Variants in CYB561D1 observed in about 807,000 individuals in gnomAD.
The protein encoded by CYB561D1 is cytochrome b561 family member D1.
In CYB561D1, 15 loss-of-function variants were observed where a neutral mutation model predicts 19.2. The ratio of observed to expected loss-of-function variants is 0.78; its 90% CI spans 0.52 to 1.20. The LOEUF is 1.20. CYB561D1 is among the 50% of genes most tolerant of loss of function. CYB561D1 has a pLI of 0.00. For missense variants in CYB561D1, 297 were observed against 287.3 expected (o/e 1.03, Z -0.24); for synonymous variants, 133 against 120.6 (o/e 1.10, Z -0.68).
At position 109,494,222 on chromosome 1, in the gene CYB561D1, T is replaced by G. The variant is rs768561707; in HGVS notation, c.83T>G (p.Ile28Ser). 3.8e-6 allele frequency: 6 copies of G among 1,570,252 alleles called. No individual in the cohort carries two copies. The highest frequency in any genetic ancestry group is 4.3e-6 in the Non-Finnish European group (5 of 1,157,546). Residue 28 changes from isoleucine to serine, a missense_variant, in exon 1 of 3, where the codon ATC (isoleucine) becomes AGC (serine). Physicochemically the swap from Ile to Ser is moderately radical, Grantham distance 142. Coordinates refer to ENST00000420578, the MANE Select transcript of CYB561D1 (RefSeq NM_182580.3). ...CGCTGGCTGCGGAGAGGCAGTGGGATCTTGGCGCACCTGGTAGCTTTGGGC... is the reference window on the plus strand; with the variant it reads ...CGCTGGCTGCGGAGAGGCAGTGGGAGCTTGGCGCACCTGGTAGCTTTGGGC... ...LTRWLRRGSG[I>S]LAHLVALGFT...
chr1:109,498,979 T>C lies in CYB561D1; in HGVS notation c.*2720T>C, dbSNP rs973954646. 2 of 152,130 alleles carry C rather than the reference T, an allele frequency of 1.3e-5. No individual in the cohort carries two copies. The highest frequency in any genetic ancestry group is 4.8e-5 in the African/African-American group (2 of 41,398). The allele number at this position is 152,130 out of a possible 1,614,324, so 9.4% of individuals were successfully genotyped here. ...TGATTATATTCCAAATTTGATTATA[T>C]TCCAAATTTGATTATATTCAGATTC... is the stretch of plus-strand genomic sequence containing the variant. On this transcript the variant is annotated 3_prime_UTR_variant, in exon 3 of 3. Coordinates refer to ENST00000420578, the MANE Select transcript of CYB561D1 (RefSeq NM_182580.3).
chr1:109,497,262 A>G lies in CYB561D1; in HGVS notation c.*1003A>G, dbSNP rs1480884188. 6.6e-6 allele frequency: 1 copy of G among 152,338 alleles called. No homozygotes were observed. The highest frequency in any genetic ancestry group is 2.4e-5 in the African/African-American group (1 of 41,484). The allele number at this position is 152,338 out of a possible 1,614,324, so 9.4% of individuals were successfully genotyped here. A position where few individuals can be genotyped will look rare whatever the true frequency, so the allele number is the denominator to read the frequency against. ...TTAGGGCTCAGGTTCTTGCCTTAGC[A>G]CATAGCTTCTGGGAGCTTTTTTGAA... On this transcript the variant is annotated 3_prime_UTR_variant, in exon 3 of 3. Coordinates refer to ENST00000420578, the MANE Select transcript of CYB561D1 (RefSeq NM_182580.3).
At chr1:109,495,055 T>G in intron 1 of CYB561D1, 88 bp from the exon 2 acceptor site, 1 of 1,472,892 alleles carries the variant, frequency 6.8e-7, no homozygotes, top group South Asian at 1.1e-5. Flanking sequence ...GGTACTTTTC[T>G]CCTGTGGCTA....
Position 109,494,297 on chromosome 1 carries a change from C to T in CYB561D1, c.148+10C>T, listed in dbSNP as rs76997102. 9 of 1,574,752 alleles carry T rather than the reference C, an allele frequency of 5.7e-6. No homozygotes were observed. Among genetic ancestry groups the T allele is most frequent in the African/African-American group, 4.0e-5 (3 of 74,198 alleles). ...TCCCGGCCAGGAACCAGTGAGTGTG[C>T]GGGGCGGGGTTGCGGAAGGGGGCGG... On this transcript the variant is annotated intron_variant, in intron 1 of 2. Coordinates refer to ENST00000420578, the MANE Select transcript of CYB561D1 (RefSeq NM_182580.3).
rs1442879725 is a variant in CYB561D1 at position 109,499,616 on chromosome 1, G to C, written c.*3357G>C. ...GATCTGCCCGCCTCGGCCTCCCAAA[G>C]TGCTGTGATTACAGGCGTGAGCCAC... On this transcript the variant is annotated 3_prime_UTR_variant, in exon 3 of 3. Coordinates refer to ENST00000420578, the MANE Select transcript of CYB561D1 (RefSeq NM_182580.3). 6.6e-6 allele frequency: 1 copy of C among 152,312 alleles called. No homozygotes were observed. The highest frequency in any genetic ancestry group is 1.9e-4 in the East Asian group (1 of 5,194). The allele number at this position is 152,312 out of a possible 1,614,324, so 9.4% of individuals were successfully genotyped here. A position where few individuals can be genotyped will look rare whatever the true frequency, so the allele number is the denominator to read the frequency against.
At chr1:109,494,655 G>A (rs1657403290) in intron 1 of CYB561D1, 1 of 1,098,616 alleles carries the variant, frequency 9.1e-7, no homozygotes, top group Non-Finnish European at 1.2e-6. Flanking sequence ...TGGCCAACAT[G>A]GTGAAACCCC....
At position 109,495,902 on chromosome 1, in the gene CYB561D1, C is replaced by T. The variant is rs757527091; in HGVS notation, c.333C>T (p.Ile111=). The change falls in exon 3 of 3, where the codon ATC becomes ATT. Residue 111 remains isoleucine, a synonymous_variant. Transcript: ENST00000420578. ...GTGCAGCTCTGGGCCTGGGCTTCAT[C>T]ATCTCCAGCAGGACCCGCAGTGAGC... is the stretch of plus-strand genomic sequence containing the variant. ...ILCAALGLGF[I]ISSRTRSELP... 8 of 1,613,918 alleles carry T rather than the reference C, an allele frequency of 5.0e-6. No homozygotes were observed. The South Asian group carries it at 8.8e-5, about 18-fold the overall frequency.
Position 109,496,363 on chromosome 1 carries a change from T to C in CYB561D1, c.*104T>C. ...TTAAGAAGTGGTCAGGTTTTCGCAC[T>C]TCTTGGCTGGTCCAGGGACTGCAGA... On this transcript the variant is annotated 3_prime_UTR_variant, in exon 3 of 3. Transcript: ENST00000420578. 2.2e-6 allele frequency: 3 copies of C among 1,368,640 alleles called. No individual in the cohort carries two copies. The highest frequency in any genetic ancestry group is 4.7e-5 in the East Asian group (2 of 42,306). 84.8% of individuals were successfully genotyped at this position (1,368,640 alleles called of 1,614,324 possible).
intron 1 of CYB561D1, among the ~76,000 whole-genome samples, chr1:109,494,857 C>A (rs1001655845): frequency 5.9e-5 from 8 of 136,484 alleles, no homozygotes; most frequent in African/African-American, 2.6e-4. Context: ...CAAAAAACAA[C>A]AACCAAAAAA....
chr1:109,498,767 G>A lies in CYB561D1; in HGVS notation c.*2508G>A, dbSNP rs1393681997. ...TTGGCTCCTCAGCAAGGAAGCAAAC[G>A]CCTTGGAGGAGAAGCACATGGTTGC... On this transcript the variant is annotated 3_prime_UTR_variant, in exon 3 of 3. Transcript: ENST00000420578. The A allele has an allele frequency of 6.6e-6, 1 of 151,592 alleles. No individual in the cohort carries two copies. The highest frequency in any genetic ancestry group is 1.5e-5 in the Non-Finnish European group (1 of 67,960). The allele number at this position is 151,592 out of a possible 1,614,324, so 9.4% of individuals were successfully genotyped here. A position where few individuals can be genotyped will look rare whatever the true frequency, so the allele number is the denominator to read the frequency against.
At position 109,494,442 on chromosome 1, in the gene CYB561D1, C is replaced by A. The variant is rs946275662; in HGVS notation, c.148+155C>A. Reference sequence around the variant, plus strand: ...TTGAGGGCCTGGTGGGGCGGGGCCCCAGGGATCCTGGAATAATGGGGTTTT... The same window carrying A: ...TTGAGGGCCTGGTGGGGCGGGGCCCAAGGGATCCTGGAATAATGGGGTTTT... On this transcript the variant is annotated intron_variant, in intron 1 of 2. Transcript: ENST00000420578. 5 of 1,547,656 alleles carry A rather than the reference C, an allele frequency of 3.2e-6. No homozygotes were observed. In the African/African-American group the frequency reaches 5.5e-5, roughly 17 times the overall value.
rs1286796434 is a variant in CYB561D1 at position 109,495,965 on chromosome 1, C to A, written c.396C>A (p.Ala132=). The stretch of plus-strand genomic sequence containing the variant: ...TGTCCTGGCACAGCTGGGTGGGAGC[C>A]CTGACACTGCTGGCCACTGCTGTCC... ...HLVSWHSWVG[A]LTLLATAVQA... is the part of the protein sequence containing the mutation. Residue 132 remains alanine (A), a synonymous_variant, in exon 3 of 3, where the codon GCC becomes GCA. Coordinates refer to ENST00000420578, the MANE Select transcript of CYB561D1 (RefSeq NM_182580.3). 2 of 1,612,838 alleles carry A rather than the reference C, an allele frequency of 1.2e-6. No individual in the cohort carries two copies. The highest frequency in any genetic ancestry group is 3.3e-5 in the Admixed American group (2 of 59,960).
At position 109,499,968 on chromosome 1, in the gene CYB561D1, T is replaced by A. The variant is rs1284513652; in HGVS notation, c.*3709T>A. On this transcript the variant is annotated 3_prime_UTR_variant, in exon 3 of 3. Coordinates refer to ENST00000420578, the MANE Select transcript of CYB561D1 (RefSeq NM_182580.3). ...AGTCCTCTCAGTAAACTAATAAGAC[T>A]TGCACCTGACAAAGGTCAAGATATG... 1 of 152,234 alleles carries A rather than the reference T, an allele frequency of 6.6e-6. No homozygotes were observed. Among genetic ancestry groups the A allele is most frequent in the Non-Finnish European group, 1.5e-5 (1 of 68,040 alleles). 9.4% of individuals were successfully genotyped at this position (152,234 alleles called of 1,614,324 possible). A position where few individuals can be genotyped will look rare whatever the true frequency, so the allele number is the denominator to read the frequency against.
In CYB561D1 at chr1:109,497,851, G is replaced by C. The variant is rs1038397960; in HGVS notation, c.*1592G>C. On this transcript the variant is annotated 3_prime_UTR_variant, in exon 3 of 3. Coordinates refer to ENST00000420578, the MANE Select transcript of CYB561D1 (RefSeq NM_182580.3). Reference sequence around the variant, plus strand: ...ATAGTATGGGGACAGAATGGGGACAGCAAGGGCAGAAGTGTCCTCTCCACG... The same window carrying C: ...ATAGTATGGGGACAGAATGGGGACACCAAGGGCAGAAGTGTCCTCTCCACG... 2.0e-5 allele frequency: 3 copies of C among 152,254 alleles called. No homozygotes were observed. The highest frequency in any genetic ancestry group is 7.2e-5 in the African/African-American group (3 of 41,434). The allele number at this position is 152,254 out of a possible 1,614,324, so 9.4% of individuals were successfully genotyped here.
chr1:109,496,278 T>C lies in CYB561D1; in HGVS notation c.*19T>C. The stretch of plus-strand genomic sequence containing the variant: ...AATGTGAGTTCCTGCGAACGCTGAA[T>C]CTAGGTGGGACGCTTGCCTTGAACA... On this transcript the variant is annotated 3_prime_UTR_variant, in exon 3 of 3. Transcript: ENST00000420578. 6.4e-7 allele frequency: 1 copy of C among 1,551,266 alleles called. No individual in the cohort carries two copies. The highest frequency in any genetic ancestry group is 8.7e-7 in the Non-Finnish European group (1 of 1,142,960).
Position 109,496,268 on chromosome 1 carries a change from G to A in CYB561D1, c.*9G>A, listed in dbSNP as rs201971287. 1.2e-5 allele frequency: 18 copies of A among 1,560,578 alleles called. No homozygotes were observed. Among genetic ancestry groups the A allele is most frequent in the Admixed American group, 5.4e-5 (3 of 55,904 alleles). ...AGAAAATGGAAATGTGAGTTCCTGC[G>A]AACGCTGAATCTAGGTGGGACGCTT... On this transcript the variant is annotated 3_prime_UTR_variant, in exon 3 of 3. Transcript: ENST00000420578.
chr1:109,495,258 G>C, intron 2 of CYB561D1, 78 bp downstream of exon 2: 2 of 1,534,734 alleles, frequency 1.3e-6, no homozygotes, highest in Admixed American at 1.7e-5. Flanking sequence ...CTTTCAGAAA[G>C]CTCAGCCTTT....
rs1003310284 is a variant in CYB561D1, at chr1:109,496,034, G to C, written c.465G>C (p.Arg155Ser). The change falls in exon 3 of 3, where the codon AGG (arginine) becomes AGC (serine). Residue 155 changes from arginine (R) to serine (S), a missense_variant. Arg to Ser is a moderately radical substitution (Grantham distance 110). Transcript: ENST00000420578. ...GLCLLCPRAA[R>S]VSRVARLKLY... is the part of the protein sequence containing the mutation. ...GCCTCCTTTGTCCCCGGGCAGCCAG[G>C]GTCTCAAGGGTGGCTCGCCTCAAGC... The C allele has an allele frequency of 1.2e-6, 2 of 1,610,786 alleles. No homozygotes were observed. Among genetic ancestry groups the C allele is most frequent in the African/African-American group, 2.7e-5 (2 of 74,874 alleles).
rs1657641806 is a variant in CYB561D1, at chr1:109,497,617, C to T, written c.*1358C>T. 1 of 152,294 alleles carries T rather than the reference C, an allele frequency of 6.6e-6. No homozygotes were observed. Among genetic ancestry groups the T allele is most frequent in the Non-Finnish European group, 1.5e-5 (1 of 68,102 alleles). 9.4% of individuals were successfully genotyped at this position (152,294 alleles called of 1,614,324 possible). ...CTCCCTAGATCATGGCAAGGCCTGA[C>T]AACAGCTGAGCCAGGAAAGTGCTGC... On this transcript the variant is annotated 3_prime_UTR_variant, in exon 3 of 3. Coordinates refer to ENST00000420578, the MANE Select transcript of CYB561D1 (RefSeq NM_182580.3).
Sources: allele counts gnomAD v4.1 joint callset (sites outside exome capture counted in the v4.1 genomes callset), GRCh38; gene constraint gnomAD v4.1.1; transcripts MANE v1.5; gene names NCBI Gene and HGNC (gene_info 2026-07-23, HGNC 2026-07-21).